The following HMCN2 variants were observed in gnomAD, a reference collection of about 807,000 sequenced individuals.
The protein encoded by HMCN2 is hemicentin-2.
HMCN2 carries 325 observed loss-of-function variants against 377.5 expected under a neutral mutation model. The observed-to-expected ratio is 0.86, with a 90% CI of 0.79 to 0.94. HMCN2 has a LOEUF of 0.94. Ranked by LOEUF, HMCN2 falls within the 40% of genes least tolerant of loss-of-function variation. HMCN2 has a pLI of 0.00. For missense variants in HMCN2, 4,543 were observed against 4,725.3 expected, an observed-to-expected ratio of 0.96 and a Z score of 1.13; for synonymous variants, 2,007 against 2,046.8, an observed-to-expected ratio of 0.98 and a Z score of 0.53.
chr9:130,408,721 T>G (rs1376180235), intron 83 of HMCN2, 22 bp from the exon 84 acceptor site: 1 of 1,277,278 alleles, frequency 7.8e-7, no homozygotes, highest in South Asian at 1.2e-5. Context: ...TCTGACAACT[T>G]GCTCGATGTC....
At chr9:130,396,696 A>G (rs2131697664) in intron 73 of HMCN2, among the ~76,000 whole-genome samples, 1 of 152,246 alleles carries the variant, frequency 6.6e-6, no homozygotes, top group East Asian at 1.9e-4. Context: ...TCAGCTCACT[A>G]GCAAGTTGTC....
intron 76 of HMCN2, 76 bp downstream of exon 76, chr9:130,399,708 C>T: frequency 4.6e-6 from 5 of 1,085,280 alleles, no homozygotes; most frequent in Non-Finnish European, 6.1e-6. Context: ...CTCTCCCTGC[C>T]AGCAGGGAAT....
intron 54 of HMCN2, among the ~76,000 whole-genome samples, chr9:130,379,981 T>C (rs531607854): frequency 1.3e-5 from 2 of 152,328 alleles, no homozygotes; most frequent in South Asian, 4.2e-4. Context: ...GTTCAAGTGA[T>C]TCTCCTGCCT....
At chr9:130,342,697 G>A (rs1839122827) in intron 25 of HMCN2, among the ~76,000 whole-genome samples, 1 of 152,182 alleles carries the variant, frequency 6.6e-6, no homozygotes, top group African/African-American at 2.4e-5. Flanking sequence ...TCAGAATGTG[G>A]ACAAGTGTGA....
chr9:130,379,867 T>C (rs1418612205), intron 54 of HMCN2, among the ~76,000 whole-genome samples: 1 of 152,092 alleles, frequency 6.6e-6, no homozygotes, highest in East Asian at 1.9e-4. Context: ...GGGTTTTTTT[T>C]CTATTTTTTT....
At chr9:130,382,577 T>G (rs1841787436) in intron 55 of HMCN2, 102 bp from the exon 56 acceptor site, 1 of 310,272 alleles carries the variant, frequency 3.2e-6, no homozygotes, top group African/African-American at 2.3e-5. Context: ...GGCATGAGGA[T>G]CCCGACCAGC....
At chr9:130,301,579 G>T (rs567011752) in intron 8 of HMCN2, among the ~76,000 whole-genome samples, 1 of 152,218 alleles carries the variant, frequency 6.6e-6, no homozygotes, top group African/African-American at 2.4e-5. Context: ...CCCAGGGTGC[G>T]TGGGTGAGTG....
At chr9:130,272,885 C>A (rs1262660648) in intron 1 of HMCN2, among the ~76,000 whole-genome samples, 2 of 152,200 alleles carry the variant, frequency 1.3e-5, no homozygotes, top group Non-Finnish European at 2.9e-5. Flanking sequence ...TCATATTCTT[C>A]ATTTGCAAAA....
chr9:130,358,736 C>T (rs1840189602), intron 36 of HMCN2, among the ~76,000 whole-genome samples: 1 of 151,784 alleles, frequency 6.6e-6, no homozygotes. Context: ...TGCAGTGGCA[C>T]TATCTCGGCT....
chr9:130,294,894 G>A lies in HMCN2; in HGVS notation c.652G>A (p.Val218Met). 2.1e-6 allele frequency: 1 copy of A among 468,260 alleles called. No individual in the cohort carries two copies. The highest frequency in any genetic ancestry group is 4.4e-6 in the Non-Finnish European group (1 of 225,682). 29.0% of individuals were successfully genotyped at this position (468,260 alleles called of 1,614,324 possible). A position where few individuals can be genotyped will look rare whatever the true frequency, so the allele number is the denominator to read the frequency against. ...WVESAIQASKVHLLSTDHEEE... is the reference protein window; with the variant it reads ...WVESAIQASKMHLLSTDHEEE... Reference sequence around the variant, plus strand: ...GGAGTCAGCGATCCAGGCCTCCAAGGTGCACCTGCTGTCCACAGACCACGA... The same window carrying A: ...GGAGTCAGCGATCCAGGCCTCCAAGATGCACCTGCTGTCCACAGACCACGA... The change falls in exon 5 of 98, where the codon GTG (valine) becomes ATG (methionine). Residue 218 changes from valine to methionine, a missense_variant. By Grantham distance (21) the Val-to-Met change is conservative. This residue lies in a region of HMCN2 where 547 missense variants were observed against 189.9 expected (regional missense o/e 2.88). Coordinates refer to ENST00000683500, the MANE Select transcript of HMCN2 (RefSeq NM_001291815.2).
chr9:130,377,009 G>T (rs1186436944), intron 52 of HMCN2, among the ~76,000 whole-genome samples: 1 of 152,112 alleles, frequency 6.6e-6, no homozygotes, highest in Admixed American at 6.5e-5. Context: ...GTGTTGGCCA[G>T]GTTGGTCTCG....
At chr9:130,310,190 G>T in intron 15 of HMCN2, 129 bp downstream of exon 15, 1 of 271,798 alleles carries the variant, frequency 3.7e-6, no homozygotes, top group Non-Finnish European at 7.7e-6. Context: ...TGGATCCTGA[G>T]CATGTGGGGA....
chr9:130,353,908 C>G (rs1250076387), intron 31 of HMCN2, among the ~76,000 whole-genome samples: 1 of 152,072 alleles, frequency 6.6e-6, no homozygotes, highest in South Asian at 2.1e-4. Flanking sequence ...GCCTGGCCCC[C>G]CGTGGGGAGT....
Position 130,423,188 on chromosome 9 carries a change from A to G in HMCN2, c.13381+462A>G, listed in dbSNP as rs910509842. 5.3e-5 allele frequency among the ~76,000 whole-genome samples: 8 copies of G among 152,160 alleles called. No homozygotes were observed. The highest frequency in any genetic ancestry group is 1.9e-4 in the African/African-American group (8 of 41,444). Reference sequence around the variant, plus strand: ...AATTGCCTAGAAAACCTAGAGGACTAAGAAGAGTCACCTGCACACAGAGCT... The same window carrying G: ...AATTGCCTAGAAAACCTAGAGGACTGAGAAGAGTCACCTGCACACAGAGCT... On this transcript the variant is annotated intron_variant, in intron 87 of 97. Coordinates refer to ENST00000683500, the MANE Select transcript of HMCN2 (RefSeq NM_001291815.2). This position sits in a 1 kb window ranked among gnomAD's most constrained non-coding sequence, Gnocchi z 5.5.
At chr9:130,398,794 G>A (rs1842732800) in intron 75 of HMCN2, 87 bp downstream of exon 75, 1 of 1,143,138 alleles carries the variant, frequency 8.7e-7, no homozygotes, top group Admixed American at 2.5e-5. Context: ...GCAGGGACGG[G>A]GCGGGGTGTG....
In HMCN2 at chr9:130,308,383, G is replaced by A. The variant is rs1326498684; in HGVS notation, c.2200+817G>A. 2.0e-5 allele frequency among the ~76,000 whole-genome samples: 3 copies of A among 152,230 alleles called. No individual in the cohort carries two copies. The highest frequency in any genetic ancestry group is 2.4e-5 in the African/African-American group (1 of 41,450). On this transcript the variant is annotated intron_variant, in intron 14 of 97. Coordinates refer to ENST00000683500, the MANE Select transcript of HMCN2 (RefSeq NM_001291815.2). This position sits in a 1 kb window ranked among gnomAD's most constrained non-coding sequence, Gnocchi z 4.1. Reference sequence around the variant, plus strand: ...AATGACAGGGTTGTCCTGAGGCCCTGAGGTCATGGGCAGAGCGTTTTCACG... The same window carrying A: ...AATGACAGGGTTGTCCTGAGGCCCTAAGGTCATGGGCAGAGCGTTTTCACG...
intron 25 of HMCN2, among the ~76,000 whole-genome samples, chr9:130,346,248 G>A (rs1839386121): frequency 6.6e-6 from 1 of 152,150 alleles, no homozygotes; most frequent in African/African-American, 2.4e-5. Context: ...TCTGGGCAGT[G>A]TGCCTCAAAG....
At chr9:130,285,551 G>A (rs145343170) in intron 3 of HMCN2, among the ~76,000 whole-genome samples, 15 of 152,308 alleles carry the variant, frequency 9.8e-5, no homozygotes, top group East Asian at 5.8e-4. Context: ...CTTCCCTGGC[G>A]CAGCTTGTTC....
At chr9:130,392,723 T>C (rs144158902) in intron 66 of HMCN2, among the ~76,000 whole-genome samples, 1,816 of 149,738 alleles carry the variant, frequency 0.012, 11 homozygotes, top group Non-Finnish European at 0.015. Context: ...GCAGGCCGGG[T>C]GCGGTGGCTC....
Sources: allele counts gnomAD v4.1 joint callset (sites outside exome capture counted in the v4.1 genomes callset), GRCh38; gene constraint gnomAD v4.1.1; regional missense constraint gnomAD v4.1.1; non-coding constraint Gnocchi (gnomAD v3.1); transcripts MANE v1.5; gene names NCBI Gene and HGNC (gene_info 2026-07-23, HGNC 2026-07-21).